Variants in ZNF503 observed in about 807,000 individuals in gnomAD.
ZNF503 encodes NocA-like zinc finger 2.
ZNF503 carries 15 observed loss-of-function variants against 34.4 expected under a neutral mutation model. The observed-to-expected ratio is 0.44, with a 90% CI of 0.29 to 0.67. ZNF503 has a LOEUF of 0.67. ZNF503 is among the 30% of genes least tolerant of loss of function. The pLI, the probability that ZNF503 is intolerant of heterozygous loss-of-function variation, is 0.13. For synonymous variants in ZNF503, 580 were observed against 456.8 expected (o/e 1.27, Z -3.44); for missense variants, 1,007 against 926.8 (o/e 1.09, Z -1.12).
the ZNF503 span, among the ~76,000 whole-genome samples, chr10:75,322,092 CT>C: frequency 2.4e-4 from 36 of 150,812 alleles, no homozygotes; most frequent in South Asian, 7.3e-3. Flanking sequence ...CCTTGGAATA[CT>C]TTTGGAATAC....
At chr10:75,309,386 T>A in the ZNF503 span, among the ~76,000 whole-genome samples, 1 of 152,054 alleles carries the variant, frequency 6.6e-6, no homozygotes, top group Non-Finnish European at 1.5e-5. Context: ...AATGGAAGAG[T>A]CAATTGATGC....
the ZNF503 span, among the ~76,000 whole-genome samples, chr10:75,334,091 C>T: frequency 5.7e-5 from 8 of 139,390 alleles, no homozygotes; most frequent in South Asian, 7.6e-4. Context: ...ACATCCCAGA[C>T]GATGGGCGGC....
chr10:75,369,296 T>C, the ZNF503 span, among the ~76,000 whole-genome samples: 2 of 152,262 alleles, frequency 1.3e-5, no homozygotes, highest in African/African-American at 2.4e-5. Flanking sequence ...TTTGGCTCTG[T>C]GTCCAGACCC....
At chr10:75,356,254 T>C in the ZNF503 span, among the ~76,000 whole-genome samples, 1 of 152,222 alleles carries the variant, frequency 6.6e-6, no homozygotes, top group Non-Finnish European at 1.5e-5. Flanking sequence ...TCTCACTCTG[T>C]CGCCCAGGCT....
chr10:75,368,992 AT>A, the ZNF503 span, among the ~76,000 whole-genome samples: 1 of 152,248 alleles, frequency 6.6e-6, no homozygotes, highest in African/African-American at 2.4e-5. Flanking sequence ...AAATACATCA[AT>A]TACAGCACAT....
At chr10:75,356,653 T>C in the ZNF503 span, among the ~76,000 whole-genome samples, 1 of 152,226 alleles carries the variant, frequency 6.6e-6, no homozygotes, top group South Asian at 2.1e-4. Context: ...GAGTCTACCG[T>C]GTGCCAGCTG....
chr10:75,303,409 T>C, the ZNF503 span, among the ~76,000 whole-genome samples: 1 of 152,156 alleles, frequency 6.6e-6, no homozygotes, highest in African/African-American at 2.4e-5. Flanking sequence ...TAAATAAGGA[T>C]TGGGTGAGGG....
the ZNF503 span, chr10:75,382,402 C>A: frequency 2.7e-6 from 1 of 375,956 alleles, no homozygotes; most frequent in Non-Finnish European, 5.3e-6. Context: ...ACTTGTATTC[C>A]TCTGTTTCCT....
Position 75,398,482 on chromosome 10 carries a change from CCTTTT to C in ZNF503, c.*262_*266del. The stretch of plus-strand genomic sequence containing the variant: ...ATGAACACTTTCTCAATTATTTTTT[CCTTTT>C]TTTTTCTATAAAAAGTCAAATGATA... On this transcript the variant is annotated 3_prime_UTR_variant, in exon 2 of 2. Transcript: ENST00000372524. The C allele has an allele frequency of 5.5e-6, 2 of 363,748 alleles. No individual in the cohort carries two copies. The allele number at this position is 363,748 out of a possible 1,614,324, so 22.5% of individuals were successfully genotyped here. A position where few individuals can be genotyped will look rare whatever the true frequency, so the allele number is the denominator to read the frequency against.
chr10:75,298,955 A>G, the ZNF503 span: 9 of 148,402 alleles, frequency 6.1e-5, no homozygotes, highest in African/African-American at 2.3e-4. Flanking sequence ...TTTTTAGACA[A>G]GGTTTCACTC....
At chr10:75,397,212 C>G (rs1589132333), downstream of ZNF503, among the ~76,000 whole-genome samples, 4 of 32,682 alleles carry the variant, frequency 1.2e-4, no homozygotes, top group South Asian at 1.1e-3. Flanking sequence ...AAGGAGCGGG[C>G]GGGTGGGGGT....
chr10:75,396,999 A>AG (rs1843708255), downstream of ZNF503, among the ~76,000 whole-genome samples: 1 of 152,184 alleles, frequency 6.6e-6, no homozygotes, highest in Non-Finnish European at 1.5e-5. This position sits in a 1 kb window ranked among gnomAD's most constrained non-coding sequence, Gnocchi z 4.4. Context: ...GCGGAGCCCT[A>AG]GGTGCCCACC....
chr10:75,401,261 G>C lies in ZNF503; in HGVS notation c.159C>G (p.Thr53=). 1 of 1,599,566 alleles carries C rather than the reference G, an allele frequency of 6.3e-7. No homozygotes were observed. Among genetic ancestry groups the C allele is most frequent in the Non-Finnish European group, 8.5e-7 (1 of 1,173,974 alleles). The change falls in exon 1 of 2, where the codon ACC becomes ACG. Residue 53 remains threonine, a synonymous_variant. Transcript: ENST00000372524. ...PGPGSSPAGS[T]KPFVHAVPPS... is the part of the protein sequence containing the mutation. ...GGGGCACGGCGTGCACAAAAGGCTT[G>C]GTGCTGCCGGCCGGGGACGAGCCTG... is the stretch of plus-strand genomic sequence containing the variant.
chr10:75,359,155 T>C, the ZNF503 span: 2 of 152,208 alleles, frequency 1.3e-5, no homozygotes, highest in East Asian at 1.9e-4. Flanking sequence ...CCAAACCTCA[T>C]GCAACAATTC....
At chr10:75,329,405 C>T in the ZNF503 span, among the ~76,000 whole-genome samples, 3 of 83,266 alleles carry the variant, frequency 3.6e-5, no homozygotes, top group Admixed American at 1.0e-4. Flanking sequence ...TTCCTTCCTT[C>T]CTTCCTTCCT....
At chr10:75,360,114 CTTT>C in the ZNF503 span, among the ~76,000 whole-genome samples, 1 of 108,480 alleles carries the variant, frequency 9.2e-6, no homozygotes. Context: ...CCAAAGGTTT[CTTT>C]TTTTTTTTTT....
the ZNF503 span, among the ~76,000 whole-genome samples, chr10:75,300,652 G>A: frequency 1.3e-5 from 2 of 150,692 alleles, no homozygotes; most frequent in South Asian, 2.1e-4. Context: ...CAGTCCCTCC[G>A]TTCGGGGTCC....
chr10:75,390,476 C>T, the ZNF503 span, among the ~76,000 whole-genome samples: 1 of 150,502 alleles, frequency 6.6e-6, no homozygotes, highest in Non-Finnish European at 1.5e-5. Flanking sequence ...TCCTCCTCTT[C>T]CTCCTCAGGG....
chr10:75,332,437 T>A, the ZNF503 span, among the ~76,000 whole-genome samples: 3 of 151,818 alleles, frequency 2.0e-5, no homozygotes, highest in Admixed American at 6.6e-5. Context: ...TTTCTTAATG[T>A]CAGTTATTGT....
Sources: gnomAD v4.1 joint callset for allele counts (sites outside exome capture counted in the v4.1 genomes callset) on GRCh38, gnomAD v4.1.1 for gene constraint, Gnocchi (gnomAD v3.1) non-coding constraint, MANE v1.5 for transcripts, NCBI Gene and HGNC (gene_info 2026-07-23, HGNC 2026-07-21) for gene names.